The following KAZN variants were observed in gnomAD, a reference collection of about 807,000 sequenced individuals.
KAZN encodes the protein kazrin, periplakin interacting protein.
KAZN carries 40 observed loss-of-function variants against 87.4 expected under a neutral mutation model. The observed-to-expected ratio is 0.46, with a 90% CI of 0.36 to 0.60. The LOEUF is 0.60. Among genes scored for constraint, KAZN ranks in the 20% least tolerant of loss-of-function variants. The pLI is 0.00. For synonymous variants in KAZN, 466 were observed against 458.3 expected (o/e 1.02, Z -0.22); for missense variants, 898 against 1,073.9 (o/e 0.84, Z 2.29).
At chr1:14,994,293 G>A (rs1480436026) in intron 2 of KAZN, among the ~76,000 whole-genome samples, 3 of 152,234 alleles carry the variant, frequency 2.0e-5, no homozygotes, top group Non-Finnish European at 4.4e-5. Flanking sequence ...CCTCAGCCTG[G>A]ACTCTTGGGG....
At chr1:13,914,168 T>C (rs1231267257) in intron 1 of KAZN, among the ~76,000 whole-genome samples, 1 of 152,216 alleles carries the variant, frequency 6.6e-6, no homozygotes, top group African/African-American at 2.4e-5. Context: ...TAAATTTGAT[T>C]ACCAATCTGG....
At chr1:14,429,557 T>G (rs1217989794) in intron 2 of KAZN, among the ~76,000 whole-genome samples, 4 of 152,110 alleles carry the variant, frequency 2.6e-5, no homozygotes, top group Non-Finnish European at 5.9e-5. Flanking sequence ...AGGCACAGTC[T>G]CTGAGAAGCA....
rs530984764 is a variant in KAZN, at chr1:14,469,366, C to T, written c.250-129617C>T. On this transcript the variant is annotated intron_variant, in intron 2 of 16. Transcript: ENST00000636203. ...TATTTATCAGGAATGAAAAACCAGT[C>T]CCCACACACAGCTAGTGAAAACTAA... Among the ~76,000 whole-genome samples, 26 of 152,298 alleles carry T rather than the reference C, an allele frequency of 1.7e-4. No homozygotes were observed. The South Asian group carries it at 5.4e-3, about 32-fold the overall frequency.
rs150808409 is a variant in KAZN, at chr1:14,363,186, G to C, written c.249+182594G>C. ...CATCATCTTGCTAAGGTTGGCAGTT[G>C]GGGACTCTGAAATAGCTGAAATCTC... On this transcript the variant is annotated intron_variant, in intron 2 of 16. Coordinates refer to the KAZN transcript ENST00000636203. Among the ~76,000 whole-genome samples the C allele has an allele frequency of 2.9e-3, 442 of 152,274 alleles. 4 individuals are homozygous for C. Among genetic ancestry groups the C allele is most frequent in the African/African-American group, 0.01 (428 of 41,542 alleles).
Position 14,797,827 on chromosome 1 carries a change from G to C in KAZN, c.227-162857G>C, listed in dbSNP as rs529500330. ...TGTCTCTTTCATTGAGTAGCCGTGA[G>C]GATTCAATGAAATAGTCCTTGTGGA... On this transcript the variant is annotated intron_variant, in intron 1 of 14. Transcript: ENST00000376030. 5.9e-5 allele frequency among the ~76,000 whole-genome samples: 9 copies of C among 152,274 alleles called. No individual in the cohort carries two copies. In the South Asian group the frequency reaches 1.9e-3, roughly 32 times the overall value.
intron 1 of KAZN, among the ~76,000 whole-genome samples, chr1:14,652,954 A>T (rs867315946): frequency 4.6e-5 from 7 of 152,100 alleles, no homozygotes; most frequent in African/African-American, 1.2e-4. Context: ...CTCATACTGC[A>T]GTGCCCAAGA....
intron 1 of KAZN, among the ~76,000 whole-genome samples, chr1:14,717,286 G>T (rs1401033967): frequency 6.6e-6 from 1 of 151,850 alleles, no homozygotes; most frequent in Non-Finnish European, 1.5e-5. Flanking sequence ...CATACCAGGT[G>T]CTGGGAATGT....
intron 2 of KAZN, among the ~76,000 whole-genome samples, chr1:14,314,966 A>G (rs534860222): frequency 1.3e-5 from 2 of 152,222 alleles, no homozygotes; most frequent in South Asian, 4.1e-4. Flanking sequence ...ACTCAGCATA[A>G]TATTTTCAAG....
chr1:14,360,345 C>A (rs1300747952), intron 2 of KAZN, among the ~76,000 whole-genome samples: 1 of 152,112 alleles, frequency 6.6e-6, no homozygotes, highest in Non-Finnish European at 1.5e-5. Flanking sequence ...TTCCTCTAAT[C>A]TTTTTTCAAG....
At chr1:14,646,489 G>A (rs906504938) in intron 1 of KAZN, among the ~76,000 whole-genome samples, 3 of 152,208 alleles carry the variant, frequency 2.0e-5, no homozygotes, top group South Asian at 4.1e-4. Flanking sequence ...GGGGTAACTG[G>A]ATAATCATCT....
rs1643284668 is a variant in KAZN at position 14,724,495 on chromosome 1, G to A, written c.226+125272G>A. 3.9e-5 allele frequency among the ~76,000 whole-genome samples: 6 copies of A among 152,258 alleles called. No individual in the cohort carries two copies. The South Asian group carries it at 1.0e-3, about 26-fold the overall frequency. ...CAACCTAAGTAGATTACTCAGCATA[G>A]CTTACATGCCTCTGGGTCCTCGAAT... On this transcript the variant is annotated intron_variant, in intron 1 of 14. Transcript: ENST00000376030.
chr1:14,045,184 A>G (rs1642013237), intron 1 of KAZN, among the ~76,000 whole-genome samples: 1 of 152,212 alleles, frequency 6.6e-6, no homozygotes, highest in African/African-American at 2.4e-5. Flanking sequence ...CCTGAATTCC[A>G]GACTCACAAA....
intron 1 of KAZN, among the ~76,000 whole-genome samples, chr1:14,717,598 A>G (rs1029046679): frequency 7.9e-5 from 12 of 152,172 alleles, no homozygotes; most frequent in African/African-American, 2.9e-4. Context: ...CTAATCCAGC[A>G]TGATCTCATC....
intron 1 of KAZN, among the ~76,000 whole-genome samples, chr1:14,733,094 T>G (rs1039158223): frequency 1.3e-5 from 2 of 152,050 alleles, no homozygotes; most frequent in African/African-American, 2.4e-5. Context: ...AGAAGACAAG[T>G]GCGCTGAGTG....
At chr1:14,900,140 T>C (rs989626757) in intron 1 of KAZN, among the ~76,000 whole-genome samples, 2 of 152,128 alleles carry the variant, frequency 1.3e-5, no homozygotes, top group Non-Finnish European at 2.9e-5. Flanking sequence ...GGCTATGACA[T>C]GGGGTTTGTG....
At chr1:14,400,308 AAGCTTT>A (rs1663293174) in intron 2 of KAZN, among the ~76,000 whole-genome samples, 2 of 152,196 alleles carry the variant, frequency 1.3e-5, no homozygotes, top group Non-Finnish European at 2.9e-5. Flanking sequence ...CATGAATTTA[AAGCTTT>A]ATGGCACTTC....
chr1:14,249,310 A>C (rs1400775845), intron 2 of KAZN, among the ~76,000 whole-genome samples: 1 of 152,234 alleles, frequency 6.6e-6, no homozygotes, highest in Non-Finnish European at 1.5e-5. Context: ...GTTCTTCAAA[A>C]AGAAAGCTCT....
In KAZN at chr1:14,016,996, G is replaced by T. The variant is rs558617296; in HGVS notation, c.91+123240G>T. Among the ~76,000 whole-genome samples the T allele has an allele frequency of 9.2e-5, 14 of 152,286 alleles. No homozygotes were observed. The South Asian group carries it at 2.1e-3, about 23-fold the overall frequency. ...GGACTAGCTTACCTGCATCAAACTT[G>T]TCTCTTATAGGTTCTTCGAGAAGTG... is the stretch of plus-strand genomic sequence containing the variant. On this transcript the variant is annotated intron_variant, in intron 1 of 16. Coordinates refer to the KAZN transcript ENST00000636203.
chr1:14,963,471 C>G (rs1180584957), intron 2 of KAZN, among the ~76,000 whole-genome samples: 1 of 152,120 alleles, frequency 6.6e-6, no homozygotes, highest in Non-Finnish European at 1.5e-5. Flanking sequence ...TGGGTATGGT[C>G]GCAGGGAAGG....
Sources: allele counts gnomAD v4.1 joint callset (sites outside exome capture counted in the v4.1 genomes callset), GRCh38; gene constraint gnomAD v4.1.1; transcripts MANE v1.5; gene names NCBI Gene and HGNC (gene_info 2026-07-23, HGNC 2026-07-21).